The following SDCBP2 variants were observed in gnomAD, a reference collection of about 807,000 sequenced individuals.
SDCBP2 encodes the protein syndecan binding protein 2, also known as syntenin-2.
Under a neutral mutation model 30.7 loss-of-function variants are expected in SDCBP2, and 28 were observed. The ratio of observed to expected loss-of-function variants is 0.91; its 90% CI spans 0.68 to 1.25. The LOEUF is 1.25. SDCBP2 is among the 50% of genes most tolerant of loss of function. The pLI, the probability that SDCBP2 is intolerant of heterozygous loss-of-function variation, is 0.00. For synonymous variants in SDCBP2, 166 were observed against 157.3 expected (o/e 1.06, Z -0.41); for missense variants, 399 against 379.0 (o/e 1.05, Z -0.44).
In SDCBP2 at chr20:1,320,997, G is replaced by A; in HGVS notation, c.-19-562C>T. The stretch of plus-strand genomic sequence containing the variant: ...CTGTCACACCTCCAGGCTTCGCTGA[G>A]GCAGTCCACTCCAACTGGAGCCCCT... On this transcript the variant is annotated intron_variant, in intron 1 of 8. Coordinates refer to ENST00000360779, the MANE Select transcript of SDCBP2 (RefSeq NM_080489.5). This position sits in a 1 kb window ranked among gnomAD's most constrained non-coding sequence, Gnocchi z 4.7. 1 of 152,242 alleles carries A rather than the reference G, an allele frequency of 6.6e-6. No individual in the cohort carries two copies. The highest frequency in any genetic ancestry group is 6.5e-5 in the Admixed American group (1 of 15,280). The allele number at this position is 152,242 out of a possible 1,614,324, so 9.4% of individuals were successfully genotyped here. A position where few individuals can be genotyped will look rare whatever the true frequency, so the allele number is the denominator to read the frequency against.
chr20:1,314,483 C>A (rs1293797038), intron 4 of SDCBP2, among the ~76,000 whole-genome samples: 1 of 39,982 alleles, frequency 2.5e-5, no homozygotes. Flanking sequence ...AGCAAGACTC[C>A]ACCTCAAAAA....
chr20:1,311,018 G>A (rs1228169534), intron 7 of SDCBP2, 127 bp from the exon 8 acceptor site: 6 of 643,930 alleles, frequency 9.3e-6, no homozygotes, highest in Non-Finnish European at 1.1e-5. Flanking sequence ...CTGCAGGGCA[G>A]GGCTGCCTCG....
In SDCBP2 at chr20:1,313,622, C is replaced by G; in HGVS notation, c.226-124G>C. The G allele has an allele frequency of 7.0e-7, 1 of 1,424,310 alleles. No individual in the cohort carries two copies. The highest frequency in any genetic ancestry group is 9.2e-7 in the Non-Finnish European group (1 of 1,091,762). The allele number at this position is 1,424,310 out of a possible 1,614,324, so 88.2% of individuals were successfully genotyped here. On this transcript the variant is annotated intron_variant, in intron 4 of 8. Transcript: ENST00000360779. This position sits in a 1 kb window ranked among gnomAD's most constrained non-coding sequence, Gnocchi z 5.2. Reference sequence around the variant, plus strand: ...GCCGTCCCCGGGTCCCCCCACGTCCCCAGTCCACGCTTCTCCCCTAGGGGC... The same window carrying G: ...GCCGTCCCCGGGTCCCCCCACGTCCGCAGTCCACGCTTCTCCCCTAGGGGC...
At position 1,312,614 on chromosome 20, in the gene SDCBP2, T is replaced by A; in HGVS notation, c.533A>T (p.Asp178Val). 1 of 1,614,058 alleles carries A rather than the reference T, an allele frequency of 6.2e-7. No homozygotes were observed. The highest frequency in any genetic ancestry group is 1.3e-5 in the African/African-American group (1 of 75,010). Residue 178 changes from aspartate (D) to valine (V), a missense_variant, in exon 6 of 9, where the codon GAT becomes GTT. Physicochemically the swap from Asp to Val is radical, Grantham distance 152. Transcript: ENST00000360779. ...GTCCCGAACCACCACGACAATCTTA[T>A]CGCCTGATGCCTTCTTCACCACCTG... Reference protein sequence around the residue: ...AHQVVKKASGDKIVVVVRDRP... With the variant: ...AHQVVKKASGVKIVVVVRDRP...
chr20:1,312,365 A>G lies in SDCBP2; in HGVS notation c.704T>C (p.Val235Ala), dbSNP rs1306816382. The change falls in exon 7 of 9, where the codon GTG (valine) becomes GCG (alanine). Residue 235 changes from valine to alanine, a missense_variant. Coordinates refer to ENST00000360779, the MANE Select transcript of SDCBP2 (RefSeq NM_080489.5). ...GLLTNHYVCEVDGQNVIGLKD... is the reference protein window; with the variant it reads ...GLLTNHYVCEADGQNVIGLKD... ...CAGCCCGATAACATTCTGCCCGTCC[A>G]CCTCACACACGTAGTGGTTGGTGAG... 10 of 1,613,228 alleles carry G rather than the reference A, an allele frequency of 6.2e-6. No individual in the cohort carries two copies. Among genetic ancestry groups the G allele is most frequent in the Non-Finnish European group, 8.5e-6 (10 of 1,179,692 alleles).
At chr20:1,315,115 A>G (rs1182108921) in intron 4 of SDCBP2, among the ~76,000 whole-genome samples, 4 of 152,276 alleles carry the variant, frequency 2.6e-5, no homozygotes, top group Admixed American at 2.6e-4. Context: ...ATATATAGCT[A>G]CAATAATCAA....
At position 1,313,366 on chromosome 20, in the gene SDCBP2, C is replaced by A. The variant is rs763897491; in HGVS notation, c.358G>T (p.Gly120Trp). 4 of 1,611,682 alleles carry A rather than the reference C, an allele frequency of 2.5e-6. No individual in the cohort carries two copies. Among genetic ancestry groups the A allele is most frequent in the East Asian group, 2.2e-5 (1 of 44,860 alleles). ...TGGTCGACCTTCCGCAGCCTCAGCC[C>A]GGTCTTGCCGCGCTCGTCCTTGCAC... The part of the protein sequence containing the change: ...HLCKDERGKT[G>W]LRLRKVDQGL... Residue 120 changes from glycine to tryptophan, a missense_variant, in exon 5 of 9, where the codon GGG becomes TGG. Gly to Trp is a radical substitution (Grantham distance 184). Transcript: ENST00000360779. This position sits in a 1 kb window ranked among gnomAD's most constrained non-coding sequence, Gnocchi z 5.2.
At chr20:1,319,772 T>C (rs1040473439) in intron 2 of SDCBP2, 113 bp from the exon 3 acceptor site, 7 of 842,234 alleles carry the variant, frequency 8.3e-6, no homozygotes, top group Non-Finnish European at 9.0e-6. Flanking sequence ...GGGCCCGGGG[T>C]GTGGGGGGAG....
intron 1 of SDCBP2, chr20:1,325,974 C>G (rs1159946256): frequency 6.6e-6 from 1 of 152,206 alleles, no homozygotes; most frequent in African/African-American, 2.4e-5. Flanking sequence ...TTGGCTTGGC[C>G]GGGCAAATCA....
chr20:1,312,836 T>C lies in SDCBP2; in HGVS notation c.385-74A>G, dbSNP rs2088699726. 2.7e-5 allele frequency: 39 copies of C among 1,465,068 alleles called. 1 individual carries two copies. In the South Asian group the frequency reaches 5.0e-4, roughly 19 times the overall value. 90.8% of individuals were successfully genotyped at this position (1,465,068 alleles called of 1,614,324 possible). On this transcript the variant is annotated intron_variant, in intron 5 of 8. Transcript: ENST00000360779. ...ACAGATCCCTCTTCCAACCTGTTGT[T>C]TTCCTCCTGATACTCCAGGAACCTA...
intron 1 of SDCBP2, among the ~76,000 whole-genome samples, chr20:1,327,735 T>A (rs771421852): frequency 6.6e-6 from 1 of 152,234 alleles, no homozygotes; most frequent in Non-Finnish European, 1.5e-5. Flanking sequence ...GACTGAAAGA[T>A]TTTTAAAAAG....
chr20:1,323,476 T>C (rs6041420), intron 1 of SDCBP2: 11,165 of 152,294 alleles, frequency 0.073, 451 homozygotes, highest in African/African-American at 0.11. Context: ...GAGATCCATT[T>C]CCTGGAAATC....
intron 5 of SDCBP2, 178 bp from the exon 6 acceptor site, chr20:1,312,940 A>G: frequency 3.0e-6 from 2 of 662,548 alleles, no homozygotes; most frequent in African/African-American, 1.8e-5. Context: ...TCTAGGCCTC[A>G]TAGTTAGGAA....
intron 1 of SDCBP2, chr20:1,323,177 C>A (rs988137336): frequency 1.3e-5 from 2 of 152,194 alleles, no homozygotes; most frequent in Admixed American, 6.5e-5. Flanking sequence ...CCCAACAGGA[C>A]AGGAATTTCC....
chr20:1,324,519 G>A lies in SDCBP2; in HGVS notation c.-19-4084C>T, dbSNP rs6134579. Among the ~76,000 whole-genome samples, 3 of 152,128 alleles carry A rather than the reference G, an allele frequency of 2.0e-5. No homozygotes were observed. Among genetic ancestry groups the A allele is most frequent in the African/African-American group, 7.2e-5 (3 of 41,426 alleles). On this transcript the variant is annotated intron_variant, in intron 1 of 8. Coordinates refer to ENST00000360779, the MANE Select transcript of SDCBP2 (RefSeq NM_080489.5). The surrounding 1 kb of genome is among the most constrained non-coding windows in gnomAD (Gnocchi z 4.7). ...TCACCATAACAAATGGTCCTGTCCC[G>A]CACAACTTTCAGATATCCTGCCAAA...
Position 1,326,572 on chromosome 20 carries a change from CTT to C in SDCBP2, c.-20+2511_-20+2512del, listed in dbSNP as rs370846139. ...TTCTCTCTTTTCCTTGTTGTGAACT[CTT>C]TTTCCTCCAATTTAAAGCTTTCCCC... On this transcript the variant is annotated intron_variant, in intron 1 of 8. Transcript: ENST00000360779. Among the ~76,000 whole-genome samples the C allele has an allele frequency of 6.2e-4, 95 of 152,330 alleles. 1 individual carries two copies. In the South Asian group the frequency reaches 0.019, roughly 31 times the overall value.
At chr20:1,314,028 C>T (rs181817281) in intron 4 of SDCBP2, among the ~76,000 whole-genome samples, 150 of 152,174 alleles carry the variant, frequency 9.9e-4, no homozygotes, top group African/African-American at 3.5e-3. Context: ...AAAACGGTTC[C>T]TATTTATAGA....
chr20:1,316,587 A>C (rs918382834), intron 4 of SDCBP2, among the ~76,000 whole-genome samples: 5 of 152,108 alleles, frequency 3.3e-5, no homozygotes, highest in African/African-American at 4.8e-5. Flanking sequence ...ATAGGATTTC[A>C]CCATGCTGCC....
At position 1,313,069 on chromosome 20, in the gene SDCBP2, A is replaced by G. The variant is rs1158738912; in HGVS notation, c.384+271T>C. ...CTGTCTACACCGTCGCCTGGAAGCTAGATGCCCTGGGCAGCGAAGGGCAGG... is the reference window on the plus strand; with the variant it reads ...CTGTCTACACCGTCGCCTGGAAGCTGGATGCCCTGGGCAGCGAAGGGCAGG... On this transcript the variant is annotated intron_variant, in intron 5 of 8. Transcript: ENST00000360779. This position sits in a 1 kb window ranked among gnomAD's most constrained non-coding sequence, Gnocchi z 5.2. 1.7e-6 allele frequency: 1 copy of G among 588,836 alleles called. No homozygotes were observed. Among genetic ancestry groups the G allele is most frequent in the Non-Finnish European group, 3.0e-6 (1 of 331,724 alleles). 36.5% of individuals were successfully genotyped at this position (588,836 alleles called of 1,614,324 possible). A position where few individuals can be genotyped will look rare whatever the true frequency, so the allele number is the denominator to read the frequency against.
Sources: gnomAD v4.1 joint callset for allele counts (sites outside exome capture counted in the v4.1 genomes callset) on GRCh38, gnomAD v4.1.1 for gene constraint, Gnocchi (gnomAD v3.1) non-coding constraint, MANE v1.5 for transcripts, NCBI Gene and HGNC (gene_info 2026-07-23, HGNC 2026-07-21) for gene names.